PREP: variants seen among roughly 807,000 people sequenced by gnomAD.
The protein encoded by PREP is dJ355L5.1 (prolyl endopeptidase).
PREP carries 29 observed loss-of-function variants against 87.6 expected under a neutral mutation model. The observed-to-expected ratio is 0.33, with a 90% CI of 0.25 to 0.45. The LOEUF is 0.45. Ranked by LOEUF, PREP falls within the 20% of genes least tolerant of loss-of-function variation. The pLI, the probability that PREP is intolerant of heterozygous loss-of-function variation, is 1.00. For missense variants in PREP, 695 were observed against 886.5 expected (o/e 0.78, Z 2.74); for synonymous variants, 337 against 328.6 (o/e 1.03, Z -0.28).
intron 10 of PREP, among the ~76,000 whole-genome samples, chr6:105,306,254 G>A (rs1770655448): frequency 6.6e-6 from 1 of 152,174 alleles, no homozygotes; most frequent in Non-Finnish European, 1.5e-5. Flanking sequence ...CTTTACTGAT[G>A]ATAGACGGCA....
intron 6 of PREP, among the ~76,000 whole-genome samples, chr6:105,362,186 T>C (rs1016252819): frequency 6.6e-6 from 1 of 152,136 alleles, no homozygotes; most frequent in Non-Finnish European, 1.5e-5. Flanking sequence ...TGGGGTTGGG[T>C]GTGGTGGCTC....
At chr6:105,324,793 G>A (rs931570607) in intron 9 of PREP, among the ~76,000 whole-genome samples, 4 of 152,114 alleles carry the variant, frequency 2.6e-5, no homozygotes, top group African/African-American at 7.2e-5. Flanking sequence ...GAAACAATAC[G>A]CTGCCCCCGA....
chr6:105,281,791 T>C lies in PREP; in HGVS notation c.1793A>G (p.Asp598Gly). The stretch of plus-strand genomic sequence containing the variant: ...TTGTTTGCTGTCCGAGCACCCATAA[T>C]CAGTGGTCCAAGCATGGCCGATGGT... ...KYTIGHAWTT[D>G]YGCSDSKQHF... Residue 598 changes from aspartate (D) to glycine (G), a missense_variant, in exon 14 of 15, where the codon GAT becomes GGT. Asp to Gly is a moderately conservative substitution (Grantham distance 94). Coordinates refer to ENST00000652536, the MANE Select transcript of PREP (RefSeq NM_002726.5). The C allele has an allele frequency of 6.2e-7, 1 of 1,614,152 alleles. No homozygotes were observed. Among genetic ancestry groups the C allele is most frequent in the Non-Finnish European group, 8.5e-7 (1 of 1,180,022 alleles).
At position 105,355,046 on chromosome 6, in the gene PREP, T is replaced by C. The variant is rs538685306; in HGVS notation, c.718-1969A>G. Among the ~76,000 whole-genome samples, 3 of 151,566 alleles carry C rather than the reference T, an allele frequency of 2.0e-5. No homozygotes were observed. In the South Asian group the frequency reaches 6.3e-4, roughly 32 times the overall value. On this transcript the variant is annotated intron_variant, in intron 6 of 14. Coordinates refer to ENST00000652536, the MANE Select transcript of PREP (RefSeq NM_002726.5). ...ATTATGATAAATGCCATGGAAAACA[T>C]GAACAGGTCTGAGTAAGGGAGACAG...
intron 10 of PREP, among the ~76,000 whole-genome samples, chr6:105,309,616 A>G (rs1257403236): frequency 6.6e-6 from 1 of 152,108 alleles, no homozygotes; most frequent in African/African-American, 2.4e-5. Context: ...TTGAAACTCA[A>G]GATAAAATAA....
chr6:105,323,536 C>T, intron 10 of PREP, 129 bp downstream of exon 10: 1 of 835,440 alleles, frequency 1.2e-6, no homozygotes, highest in African/African-American at 1.7e-5. Context: ...TGACCGTCAA[C>T]CGTGGGGGCT....
At chr6:105,326,888 G>A (rs946901910) in intron 9 of PREP, among the ~76,000 whole-genome samples, 1 of 152,180 alleles carries the variant, frequency 6.6e-6, no homozygotes, top group Non-Finnish European at 1.5e-5. Flanking sequence ...TACAGAACGA[G>A]GAACACACTT....
chr6:105,279,005 C>G (rs554227339), intron 14 of PREP: 1 of 152,312 alleles, frequency 6.6e-6, no homozygotes, highest in Admixed American at 6.5e-5. Context: ...CCTGCTGGCT[C>G]TCAGTCCGGC....
At chr6:105,282,688 TA>T in intron 12 of PREP, 106 bp from the exon 13 acceptor site, 1 of 1,314,108 alleles carries the variant, frequency 7.6e-7, no homozygotes, top group Non-Finnish European at 1.0e-6. Flanking sequence ...CTGATTAACT[TA>T]AAAACCATGG....
intron 2 of PREP, among the ~76,000 whole-genome samples, chr6:105,383,103 C>A (rs1430451148): frequency 6.6e-6 from 1 of 152,084 alleles, no homozygotes; most frequent in Admixed American, 6.5e-5. Context: ...GGACTTAGGG[C>A]CAGGAGGGCA....
intron 7 of PREP, among the ~76,000 whole-genome samples, chr6:105,352,488 C>G (rs1276107478): frequency 6.6e-6 from 1 of 152,100 alleles, no homozygotes. Flanking sequence ...GTCTAATAAC[C>G]CTTGCCTGTG....
chr6:105,288,646 C>T, intron 11 of PREP, 112 bp downstream of exon 11: 2 of 1,371,234 alleles, frequency 1.5e-6, no homozygotes, highest in South Asian at 1.4e-5. Flanking sequence ...TGTGAACCCC[C>T]ACGCCTGGCC....
intron 10 of PREP, among the ~76,000 whole-genome samples, chr6:105,304,092 C>G (rs1770603014): frequency 2.0e-5 from 3 of 151,982 alleles, no homozygotes; most frequent in South Asian, 2.1e-4. Flanking sequence ...CAGAGTCAAC[C>G]AATTGTGGAT....
chr6:105,338,767 C>T (rs1378119290), intron 7 of PREP, among the ~76,000 whole-genome samples: 1 of 152,238 alleles, frequency 6.6e-6, no homozygotes, highest in Non-Finnish European at 1.5e-5. Context: ...GAGGGTCCCA[C>T]GCCCACGGAG....
In PREP at chr6:105,403,022, G is replaced by C. The variant is rs1388095687; in HGVS notation, c.-131C>G. 1.8e-5 allele frequency: 6 copies of C among 337,446 alleles called. No homozygotes were observed. The allele number at this position is 337,446 out of a possible 1,614,324, so 20.9% of individuals were successfully genotyped here. ...GGCGGCCGGCGGCAGCGGGCGGCCGGCTCACGGCCAGAGCTAGCACAAACG... is the reference window on the plus strand; with the variant it reads ...GGCGGCCGGCGGCAGCGGGCGGCCGCCTCACGGCCAGAGCTAGCACAAACG... On this transcript the variant is annotated 5_prime_UTR_variant, in exon 1 of 15. Coordinates refer to ENST00000652536, the MANE Select transcript of PREP (RefSeq NM_002726.5).
rs1769918243 is a variant in PREP at position 105,275,683 on chromosome 6, AC to A, written c.*2460del. Among the ~76,000 whole-genome samples the A allele has an allele frequency of 6.6e-6, 1 of 152,240 alleles. No homozygotes were observed. The highest frequency in any genetic ancestry group is 1.5e-5 in the Non-Finnish European group (1 of 68,050). ...AACAGCCAAGATAGGGAATCAACCC[AC>A]GTGCCCATCAGCAGATGAACAGATG... On this transcript the variant is annotated 3_prime_UTR_variant, in exon 15 of 15. Coordinates refer to ENST00000652536, the MANE Select transcript of PREP (RefSeq NM_002726.5).
intron 2 of PREP, among the ~76,000 whole-genome samples, chr6:105,386,607 C>T (rs1773001697): frequency 6.6e-6 from 1 of 152,116 alleles, no homozygotes; most frequent in African/African-American, 2.4e-5. Flanking sequence ...AACAGTGAGG[C>T]ATCTATTAGA....
At chr6:105,385,722 C>G (rs1188513157) in intron 2 of PREP, among the ~76,000 whole-genome samples, 1 of 152,178 alleles carries the variant, frequency 6.6e-6, no homozygotes, top group Admixed American at 6.5e-5. Context: ...TTACTATGTG[C>G]CTGCTACTTT....
intron 7 of PREP, among the ~76,000 whole-genome samples, chr6:105,341,285 C>A (rs551139079): frequency 6.6e-6 from 1 of 152,338 alleles, no homozygotes; most frequent in Non-Finnish European, 1.5e-5. Context: ...TCTTCAATGA[C>A]TACTGGGTAC....
Sources: allele counts gnomAD v4.1 joint callset (sites outside exome capture counted in the v4.1 genomes callset), GRCh38; gene constraint gnomAD v4.1.1; transcripts MANE v1.5; gene names NCBI Gene and HGNC (gene_info 2026-07-23, HGNC 2026-07-21).